ANKFN1: variants seen among roughly 807,000 people sequenced by gnomAD.
ANKFN1 encodes the protein ankyrin repeat and fibronectin type-III domain-containing protein 1.
A neutral mutation model predicts 108.7 loss-of-function variants in ANKFN1; 74 were observed. The observed-to-expected ratio is 0.68, with a 90% CI of 0.56 to 0.83. The LOEUF (loss-of-function observed/expected upper bound fraction) is 0.83. Ranked by LOEUF, ANKFN1 falls within the 40% of genes least tolerant of loss-of-function variation. The pLI is 0.00. For missense variants in ANKFN1, 1,505 were observed against 1,382.3 expected (o/e 1.09, Z -1.41); for synonymous variants, 547 against 516.2 (o/e 1.06, Z -0.81).
chr17:56,212,939 C>T (rs1915127327), intron 2 of ANKFN1, among the ~76,000 whole-genome samples: 1 of 152,184 alleles, frequency 6.6e-6, no homozygotes, highest in African/African-American at 2.4e-5. Flanking sequence ...CTAAGACTGG[C>T]ATTGCCCATT....
chr17:56,354,105 C>G (rs2046316941), intron 6 of ANKFN1, 59 bp downstream of exon 6: 5 of 1,511,226 alleles, frequency 3.3e-6, no homozygotes, highest in Non-Finnish European at 4.5e-6. Context: ...CCTTATGCCA[C>G]CAAAATAGCC....
chr17:56,091,734 G>T (rs1905424708), intron 4 of ANKFN1, among the ~76,000 whole-genome samples: 1 of 151,408 alleles, frequency 6.6e-6, no homozygotes, highest in Non-Finnish European at 1.5e-5. Context: ...GCTCAGGATT[G>T]ACCTAAGCTA....
intron 4 of ANKFN1, among the ~76,000 whole-genome samples, chr17:56,129,101 A>G (rs12600483): frequency 0.18 from 27,514 of 152,126 alleles, 2,873 homozygotes; most frequent in East Asian, 0.28. Context: ...CAAGGGAAAA[A>G]TCTATTAATT....
chr17:56,076,639 G>T (rs577642095), intron 4 of ANKFN1, among the ~76,000 whole-genome samples: 1 of 152,160 alleles, frequency 6.6e-6, no homozygotes. Context: ...TTAAGCTTCC[G>T]TTTCTCCATC....
intron 1 of ANKFN1, among the ~76,000 whole-genome samples, chr17:56,170,331 C>T (rs1049632943): frequency 3.9e-5 from 6 of 152,052 alleles, no homozygotes; most frequent in Non-Finnish European, 7.4e-5. Flanking sequence ...AATGCAAATA[C>T]GGGAGTACGT....
intron 3 of ANKFN1, among the ~76,000 whole-genome samples, chr17:56,297,467 G>T (rs888230099): frequency 6.6e-6 from 1 of 152,180 alleles, no homozygotes. Flanking sequence ...GGAACCAAAG[G>T]TTTATCAAGC....
In ANKFN1 at chr17:56,086,091, T is replaced by C. The variant is rs540922581; in HGVS notation, c.288+39766T>C. On this transcript the variant is annotated intron_variant, in intron 4 of 12. Transcript: ENST00000635860. ...TTTAATAAATAAAATATAGAATTTATGGTAGAGAAAATATGCTTTTAAAAA... is the reference window on the plus strand; with the variant it reads ...TTTAATAAATAAAATATAGAATTTACGGTAGAGAAAATATGCTTTTAAAAA... Among the ~76,000 whole-genome samples, 8 of 151,328 alleles carry C rather than the reference T, an allele frequency of 5.3e-5. No homozygotes were observed. The South Asian group carries it at 1.7e-3, about 32-fold the overall frequency.
At chr17:56,425,007 G>A (rs1166300770) in intron 8 of ANKFN1, among the ~76,000 whole-genome samples, 2 of 151,892 alleles carry the variant, frequency 1.3e-5, no homozygotes, top group Non-Finnish European at 2.9e-5. Context: ...GTTTGCAATT[G>A]AACTTTGAGT....
intron 4 of ANKFN1, among the ~76,000 whole-genome samples, chr17:56,105,310 C>T (rs575738002): frequency 7.9e-5 from 12 of 152,162 alleles, no homozygotes; most frequent in South Asian, 4.2e-4. Flanking sequence ...AGGCAGAGGA[C>T]GAGGTGGAAT....
At chr17:56,240,330 C>A (rs1917483951) in intron 3 of ANKFN1, among the ~76,000 whole-genome samples, 1 of 152,024 alleles carries the variant, frequency 6.6e-6, no homozygotes, top group Admixed American at 6.6e-5. Context: ...TGTCAGTCAA[C>A]ATTATGTTTT....
intron 1 of ANKFN1, among the ~76,000 whole-genome samples, chr17:56,169,147 G>A (rs1035435978): frequency 1.3e-5 from 2 of 152,174 alleles, no homozygotes; most frequent in African/African-American, 4.8e-5. Flanking sequence ...CAGAGAAGGG[G>A]CATGTTCTCC....
At chr17:56,195,335 G>C (rs1913411100) in intron 1 of ANKFN1, 1 of 152,190 alleles carries the variant, frequency 6.6e-6, no homozygotes, top group Admixed American at 6.5e-5. Context: ...CTCGAAGACT[G>C]TGTTTAATTC....
In ANKFN1 at chr17:56,218,236, C is replaced by T. The variant is rs572497740; in HGVS notation, c.12+5557C>T. Among the ~76,000 whole-genome samples, 291 of 148,838 alleles carry T rather than the reference C, an allele frequency of 2.0e-3. 1 individual carries two copies. Among genetic ancestry groups the T allele is most frequent in the African/African-American group, 7.1e-3 (285 of 40,256 alleles). ...CCCTCCCTCCCTCCCCTCTTCCCTC[C>T]CCTATGTTACTCCTCTGATTCAGTT... is the stretch of plus-strand genomic sequence containing the variant. On this transcript the variant is annotated intron_variant, in intron 2 of 20. Transcript: ENST00000682825.
At chr17:56,483,784 A>G (rs2050780328) in intron 18 of ANKFN1, among the ~76,000 whole-genome samples, 1 of 152,212 alleles carries the variant, frequency 6.6e-6, no homozygotes, top group Non-Finnish European at 1.5e-5. Flanking sequence ...AGTCTGTAAT[A>G]TAACAACACT....
intron 4 of ANKFN1, among the ~76,000 whole-genome samples, chr17:56,333,970 A>C (rs2045736722): frequency 6.6e-6 from 1 of 152,084 alleles, no homozygotes; most frequent in Non-Finnish European, 1.5e-5. Flanking sequence ...GGTCCCCTAC[A>C]TCTTTATTAA....
chr17:56,510,567 C>A lies in ANKFN1; in HGVS notation c.2739C>A (p.Asp913Glu). The A allele has an allele frequency of 6.5e-7, 1 of 1,536,200 alleles. No homozygotes were observed. Among genetic ancestry groups the A allele is most frequent in the South Asian group, 1.2e-5 (1 of 84,070 alleles). ...YDSSDALSPR[D>E]LDLVYLSSHD... is the part of the protein sequence containing the mutation. ...CCAGCGATGCCCTGAGCCCCAGAGA[C>A]CTGGACCTGGTCTACCTATCATCTC... Residue 913 changes from aspartate (D) to glutamate (E), a missense_variant, in exon 21 of 21, where the codon GAC becomes GAA. By Grantham distance (45) the Asp-to-Glu change is conservative. Coordinates refer to ENST00000682825, the MANE Select transcript of ANKFN1 (RefSeq NM_001370326.1).
intron 4 of ANKFN1, among the ~76,000 whole-genome samples, chr17:56,140,231 T>C (rs1193424643): frequency 1.3e-5 from 2 of 152,210 alleles, no homozygotes; most frequent in African/African-American, 4.8e-5. Flanking sequence ...CATAACCTTT[T>C]TTTTCATATC....
chr17:56,498,980 G>A lies in ANKFN1; in HGVS notation c.2526G>A (p.Leu842=). ...QPVSGLPITK[L]IDPSDEQSLK... ...TTTCTGGCTTGCCCATCACTAAGCTGATAGACCCCTCAGATGAGCAGAGCC... is the reference window on the plus strand; with the variant it reads ...TTTCTGGCTTGCCCATCACTAAGCTAATAGACCCCTCAGATGAGCAGAGCC... The change falls in exon 20 of 21, where the codon CTG becomes CTA. Residue 842 remains leucine, a synonymous_variant. Coordinates refer to ENST00000682825, the MANE Select transcript of ANKFN1 (RefSeq NM_001370326.1). 1 of 1,535,764 alleles carries A rather than the reference G, an allele frequency of 6.5e-7. No homozygotes were observed.
chr17:56,199,906 T>G (rs61195565), intron 1 of ANKFN1, among the ~76,000 whole-genome samples: 51,215 of 152,072 alleles, frequency 0.34, 9,530 homozygotes, highest in East Asian at 0.51. Flanking sequence ...TTCCAGTTCC[T>G]AAGCCAAGTT....
Sources: gnomAD v4.1 joint callset for allele counts (sites outside exome capture counted in the v4.1 genomes callset) on GRCh38, gnomAD v4.1.1 for gene constraint, MANE v1.5 for transcripts, NCBI Gene and HGNC (gene_info 2026-07-23, HGNC 2026-07-21) for gene names.